Variants in PHF8 observed in about 807,000 individuals in gnomAD.
The protein encoded by PHF8 is PHD finger protein 8.
In PHF8, 9 loss-of-function variants were observed where a neutral mutation model predicts 74.4. The observed-to-expected ratio is 0.12, with a 90% CI of 0.07 to 0.21. The LOEUF is 0.21. Ranked by LOEUF, PHF8 falls within the 10% of genes least tolerant of loss-of-function variation. The pLI is 1.00. For missense variants in PHF8, 478 were observed against 816.6 expected (o/e 0.59, Z 5.05); for synonymous variants, 311 against 316.6 (o/e 0.98, Z 0.19).
At position 53,999,877 on chromosome X, in the gene PHF8, C is replaced by A. The variant is rs782018713; in HGVS notation, c.1226G>T (p.Arg409Met). ...ALNLAFRAWT[R>M]KEALPDHEDE... ...AGAAATATGCATATTTACTTCTTTCCTTGTCCAGGCTCTAAAGGCCAAGTT... is the reference window on the plus strand; with the variant it reads ...AGAAATATGCATATTTACTTCTTTCATTGTCCAGGCTCTAAAGGCCAAGTT... The change falls in exon 11 of 22, where the codon AGG (arginine) becomes ATG (methionine). Residue 409 changes from arginine (R) to methionine (M), a missense_variant. Physicochemically the swap from Arg to Met is moderately conservative, Grantham distance 91. Transcript: ENST00000338154. 1.0e-5 allele frequency: 12 copies of A among 1,176,577 alleles called. No individual in the cohort carries two copies. Among genetic ancestry groups the A allele is most frequent in the African/African-American group, 1.8e-5 (1 of 57,083 alleles).
chrX:53,996,026 C>T (rs1437825579), intron 11 of PHF8, among the ~76,000 whole-genome samples: 1 of 111,476 alleles, frequency 9.0e-6, no homozygotes, highest in Non-Finnish European at 1.9e-5. Context: ...TAAAACTATA[C>T]ACCCTTTAGA....
At chrX:53,947,725 G>A (rs1448162173) in intron 19 of PHF8, among the ~76,000 whole-genome samples, 2 of 112,141 alleles carry the variant, frequency 1.8e-5, no homozygotes, top group East Asian at 2.8e-4. Flanking sequence ...TATGACTTTT[G>A]AGGCAAGGTC....
chrX:54,001,099 G>C (rs1027036002), intron 10 of PHF8, among the ~76,000 whole-genome samples: 6 of 111,792 alleles, frequency 5.4e-5, no homozygotes, highest in Non-Finnish European at 7.5e-5. Flanking sequence ...AGACTGAGGC[G>C]GGCGGATCAC....
chrX:54,016,032 G>C lies in PHF8; in HGVS notation c.596+563C>G, dbSNP rs782026767. Among the ~76,000 whole-genome samples the C allele has an allele frequency of 9.5e-4, 106 of 111,401 alleles. 1 individual carries two copies. The highest frequency in any genetic ancestry group is 1.6e-3 in the Non-Finnish European group (84 of 53,087). On this transcript the variant is annotated intron_variant, in intron 6 of 21. Transcript: ENST00000338154. ...AAAAGGTCAAAGAAGGGTGTCCTAA[G>C]GTCTTGAAAAAGGAGACAAAAATTA...
chrX:53,943,754 A>C (rs1408606899), intron 20 of PHF8, among the ~76,000 whole-genome samples: 3 of 112,049 alleles, frequency 2.7e-5, no homozygotes, highest in Non-Finnish European at 5.6e-5. Context: ...CCAAATTCCA[A>C]TACTGGTGGG....
intron 18 of PHF8, among the ~76,000 whole-genome samples, chrX:53,979,363 C>G (rs916732022): frequency 1.8e-5 from 2 of 110,974 alleles, no homozygotes; most frequent in African/African-American, 6.6e-5. Flanking sequence ...GCCTGGGTGA[C>G]AGAGCGAGAC....
chrX:54,030,891 GA>G (rs2066344332), intron 2 of PHF8, among the ~76,000 whole-genome samples: 1 of 111,794 alleles, frequency 8.9e-6, no homozygotes, highest in African/African-American at 3.3e-5. Context: ...CTGTGAAATG[GA>G]AGTACTAATA....
In PHF8 at chrX:53,985,920, C is replaced by T. The variant is rs1557099445; in HGVS notation, c.2025G>A (p.Val675=). Residue 675 remains valine, a synonymous_variant, in exon 17 of 22, where the codon GTG becomes GTA. Transcript: ENST00000338154. ...TCCCAAGCTTGCCTTCAACCCCTTC[C>T]ACCATGTCCTCATCTGTTGTATAGT... ...EEDYTTDEDM[V]EGVEGKLGNG... is the part of the protein sequence containing the mutation. The T allele has an allele frequency of 3.3e-6, 4 of 1,206,894 alleles. No homozygotes were observed. The highest frequency in any genetic ancestry group is 3.0e-5 in the East Asian group (1 of 33,701).
chrX:53,950,466 T>G (rs2064905474), intron 19 of PHF8, among the ~76,000 whole-genome samples: 1 of 112,672 alleles, frequency 8.9e-6, no homozygotes, highest in Admixed American at 9.5e-5. Context: ...ATGCCTGTGT[T>G]GGCGCTGTAA....
At chrX:53,993,928 G>A (rs1187526810) in intron 12 of PHF8, 25 bp from the exon 13 acceptor site, 1 of 1,105,225 alleles carries the variant, frequency 9.0e-7, no homozygotes, top group African/African-American at 1.8e-5. Flanking sequence ...GTACATGAGG[G>A]GGTTAGAGCT....
intron 8 of PHF8, among the ~76,000 whole-genome samples, chrX:54,008,939 G>A (rs2065938025): frequency 8.9e-6 from 1 of 111,871 alleles, no homozygotes; most frequent in South Asian, 3.7e-4. Flanking sequence ...CACTTTGGGA[G>A]GCTGAGACGG....
At chrX:53,946,616 G>T (rs1295326235) in intron 19 of PHF8, among the ~76,000 whole-genome samples, 1 of 112,097 alleles carries the variant, frequency 8.9e-6, no homozygotes, top group African/African-American at 3.2e-5. Flanking sequence ...AACAAAAAAG[G>T]GGAGAGTGCT....
chrX:53,955,556 T>TC (rs1557088443), intron 19 of PHF8, among the ~76,000 whole-genome samples: 1 of 40,490 alleles, frequency 2.5e-5, no homozygotes, highest in Admixed American at 4.1e-4. Context: ...TCTCTTCTTT[T>TC]CTTTTTTTTT....
chrX:54,022,546 A>C (rs782717243), intron 3 of PHF8, among the ~76,000 whole-genome samples, 179 bp from the exon 4 acceptor site: 3 of 111,742 alleles, frequency 2.7e-5, no homozygotes, highest in Non-Finnish European at 5.6e-5. Context: ...TACTTTCTCT[A>C]GATAAGCCTT....
chrX:54,030,282 A>C (rs782375310), intron 2 of PHF8, among the ~76,000 whole-genome samples: 2 of 111,697 alleles, frequency 1.8e-5, no homozygotes, highest in Non-Finnish European at 3.8e-5. Context: ...AGGGAGGCAG[A>C]CAAATGAAAA....
chrX:54,000,524 G>T (rs1191184694), intron 10 of PHF8, among the ~76,000 whole-genome samples: 1 of 112,634 alleles, frequency 8.9e-6, no homozygotes, highest in Non-Finnish European at 1.9e-5. Flanking sequence ...TGAGCAGTTA[G>T]TCATCCAGCA....
At chrX:53,946,760 T>C (rs1178518368) in intron 19 of PHF8, among the ~76,000 whole-genome samples, 2 of 112,342 alleles carry the variant, frequency 1.8e-5, no homozygotes, top group Non-Finnish European at 3.8e-5. Flanking sequence ...CTTGGAATTA[T>C]ATAAAGAATT....
chrX:54,021,630 G>A (rs1416463759), intron 4 of PHF8, among the ~76,000 whole-genome samples: 1 of 107,258 alleles, frequency 9.3e-6, no homozygotes, highest in Non-Finnish European at 1.9e-5. Context: ...CACTACGCCC[G>A]GCCAATTTTT....
Position 53,978,915 on chromosome X carries a change from G to C in PHF8, c.2443+5999C>G, listed in dbSNP as rs782456725. On this transcript the variant is annotated intron_variant, in intron 18 of 21. Transcript: ENST00000338154. ...CAAAGGCAAAAACCACAGTGACAGA[G>C]AGCAGATCAGTGGTTGCTCGGGAGT... 5.4e-4 allele frequency among the ~76,000 whole-genome samples: 60 copies of C among 110,746 alleles called. 2 individuals carry two copies. The East Asian group carries it at 0.01, about 19-fold the overall frequency.
Sources: allele counts gnomAD v4.1 joint callset (sites outside exome capture counted in the v4.1 genomes callset), GRCh38; gene constraint gnomAD v4.1.1; transcripts MANE v1.5; gene names NCBI Gene and HGNC (gene_info 2026-07-23, HGNC 2026-07-21).